SORCS2: variants seen among roughly 807,000 people sequenced by gnomAD.
SORCS2 encodes VPS10 domain-containing receptor SorCS2.
SORCS2 carries 100 observed loss-of-function variants against 141.6 expected under a neutral mutation model. The observed-to-expected ratio is 0.71, with a 90% CI of 0.60 to 0.83. The LOEUF is 0.83. Among genes scored for constraint, SORCS2 ranks in the 40% least tolerant of loss-of-function variants. The pLI is 0.00. For missense variants in SORCS2, 1,646 were observed against 1,560.2 expected (o/e 1.05, Z -0.93); for synonymous variants, 789 against 676.9 (o/e 1.17, Z -2.57).
intron 1 of SORCS2, among the ~76,000 whole-genome samples, chr4:7,340,660 CCT>C: frequency 6.6e-6 from 1 of 152,316 alleles, no homozygotes; most frequent in South Asian, 2.1e-4. Flanking sequence ...CGCTTGCACA[CCT>C]GTGGGTGGAA....
intron 2 of SORCS2, among the ~76,000 whole-genome samples, chr4:7,418,924 C>T (rs934552503): frequency 1.3e-5 from 2 of 152,196 alleles, no homozygotes; most frequent in Admixed American, 1.3e-4. Flanking sequence ...CCAAATGACT[C>T]TTATCCTCCA....
intron 1 of SORCS2, among the ~76,000 whole-genome samples, chr4:7,326,954 T>G (rs549974985): frequency 6.6e-6 from 1 of 152,184 alleles, no homozygotes; most frequent in Non-Finnish European, 1.5e-5. Flanking sequence ...TCTCCTGTTG[T>G]CCCCTGGTCA....
intron 1 of SORCS2, among the ~76,000 whole-genome samples, chr4:7,262,931 G>C (rs972576): frequency 0.61 from 93,385 of 152,042 alleles, 28,941 homozygotes; most frequent in East Asian, 0.72. Context: ...GGGACCTCGT[G>C]GTCCAGGTTT....
At chr4:7,615,733 G>A (rs767608408) in intron 3 of SORCS2, among the ~76,000 whole-genome samples, 2 of 151,794 alleles carry the variant, frequency 1.3e-5, no homozygotes, top group East Asian at 1.9e-4. Flanking sequence ...CTGTGCTCCC[G>A]CAGACCTGAG....
intron 8 of SORCS2, 78 bp from the exon 9 acceptor site, chr4:7,675,972 C>A: frequency 6.7e-7 from 1 of 1,485,076 alleles, no homozygotes; most frequent in Non-Finnish European, 9.1e-7. Context: ...ACCCTCACGG[C>A]CTGTGCAGCC....
intron 2 of SORCS2, among the ~76,000 whole-genome samples, chr4:7,475,567 C>G (rs1300704487): frequency 6.6e-6 from 1 of 152,216 alleles, no homozygotes; most frequent in African/African-American, 2.4e-5. Flanking sequence ...CACTTGTCTC[C>G]CAGGGAACCC....
In SORCS2 at chr4:7,488,847, C is replaced by T. The variant is rs1731148077; in HGVS notation, c.549-42683C>T. On this transcript the variant is annotated intron_variant, in intron 2 of 26. Coordinates refer to ENST00000507866, the MANE Select transcript of SORCS2 (RefSeq NM_020777.3). The stretch of plus-strand genomic sequence containing the variant: ...TTGCATCTTAAATTCGTTTATAAAG[C>T]TGTTTCATAAATGAGCCTGGTTTAC... Among the ~76,000 whole-genome samples the T allele has an allele frequency of 3.3e-5, 5 of 152,366 alleles. No homozygotes were observed. In the South Asian group the frequency reaches 1.0e-3, roughly 32 times the overall value.
At chr4:7,628,251 G>A (rs1224844451) in intron 3 of SORCS2, among the ~76,000 whole-genome samples, 1 of 152,128 alleles carries the variant, frequency 6.6e-6, no homozygotes. Flanking sequence ...GGCCAGGCGC[G>A]GTGGCTCATG....
chr4:7,383,273 G>T (rs1723100723), intron 1 of SORCS2, among the ~76,000 whole-genome samples: 1 of 152,164 alleles, frequency 6.6e-6, no homozygotes, highest in Non-Finnish European at 1.5e-5. Context: ...GGCCTTTAGA[G>T]GTCCACAGCC....
intron 1 of SORCS2, among the ~76,000 whole-genome samples, chr4:7,336,953 G>A (rs1455466751): frequency 6.6e-6 from 1 of 152,168 alleles, no homozygotes; most frequent in African/African-American, 2.4e-5. Flanking sequence ...GAGAGTGGGA[G>A]CCATGACTCT....
intron 1 of SORCS2, among the ~76,000 whole-genome samples, chr4:7,379,644 A>T (rs528893880): frequency 1.6e-4 from 24 of 152,310 alleles, no homozygotes; most frequent in African/African-American, 5.3e-4. Flanking sequence ...GGGATGGGTA[A>T]CCTGCCCAAA....
At chr4:7,651,489 C>T (rs1369010982) in intron 4 of SORCS2, among the ~76,000 whole-genome samples, 2 of 152,212 alleles carry the variant, frequency 1.3e-5, no homozygotes. Context: ...CCGTTAATCT[C>T]CTCTGGAGTG....
chr4:7,525,806 G>GGGCCC (rs1375175721), intron 2 of SORCS2, among the ~76,000 whole-genome samples: 74 of 85,598 alleles, frequency 8.6e-4, no homozygotes, highest in East Asian at 2.2e-3. Flanking sequence ...CCTCATACCT[G>GGGCCC]TTCCCTGCAG....
At chr4:7,250,001 G>T (rs1713382685) in intron 1 of SORCS2, among the ~76,000 whole-genome samples, 1 of 152,278 alleles carries the variant, frequency 6.6e-6, no homozygotes, top group Middle Eastern at 3.4e-3. Context: ...TAACACTTTG[G>T]GAGGCCGAGG....
chr4:7,343,631 C>T (rs1240706587), intron 1 of SORCS2, among the ~76,000 whole-genome samples: 1 of 152,202 alleles, frequency 6.6e-6, no homozygotes, highest in Non-Finnish European at 1.5e-5. Flanking sequence ...CCCAGTGCGG[C>T]TGTTTTCTAC....
chr4:7,388,238 C>T (rs188996361), intron 1 of SORCS2, among the ~76,000 whole-genome samples: 7 of 152,324 alleles, frequency 4.6e-5, no homozygotes, highest in African/African-American at 1.7e-4. Context: ...CTAACTAGAG[C>T]AGCTGCAGTG....
intron 1 of SORCS2, among the ~76,000 whole-genome samples, chr4:7,267,286 A>G (rs1034465016): frequency 1.3e-5 from 2 of 152,072 alleles, no homozygotes; most frequent in African/African-American, 4.8e-5. Flanking sequence ...GTGGATGCTG[A>G]TTTTCAATTC....
chr4:7,438,616 C>T (rs989965690), intron 2 of SORCS2, among the ~76,000 whole-genome samples: 20 of 151,910 alleles, frequency 1.3e-4, no homozygotes, highest in African/African-American at 4.6e-4. Flanking sequence ...TCTCTCCTTC[C>T]TTCTGTTCCC....
chr4:7,523,320 G>A (rs1003180893), intron 2 of SORCS2, among the ~76,000 whole-genome samples: 5 of 152,174 alleles, frequency 3.3e-5, no homozygotes, highest in African/African-American at 4.8e-5. Flanking sequence ...CATGTTCAGC[G>A]GGAAACTGTG....
Sources: gnomAD v4.1 joint callset for allele counts (sites outside exome capture counted in the v4.1 genomes callset) on GRCh38, gnomAD v4.1.1 for gene constraint, MANE v1.5 for transcripts, NCBI Gene and HGNC (gene_info 2026-07-23, HGNC 2026-07-21) for gene names.